The following CCDC14 variants were observed in gnomAD, a reference collection of about 807,000 sequenced individuals.
CCDC14 encodes coiled-coil domain containing 14.
In CCDC14, 71 loss-of-function variants were observed where a neutral mutation model predicts 81.4. The ratio of observed to expected loss-of-function variants is 0.87; its 90% confidence interval spans 0.72 to 1.06. CCDC14 has a LOEUF of 1.06. Among genes scored for constraint, CCDC14 ranks in the 50% least tolerant of loss-of-function variants. The pLI, the probability that CCDC14 is intolerant of heterozygous loss-of-function variation, is 0.00. For synonymous variants in CCDC14, 332 were observed against 364.8 expected (o/e 0.91, Z 1.03); for missense variants, 1,046 against 1,047.3 (o/e 1.00, Z 0.02).
At chr3:123,953,300 T>A (rs1239822637) in intron 5 of CCDC14, 1 of 152,258 alleles carries the variant, frequency 6.6e-6, no homozygotes, top group Admixed American at 6.5e-5. Context: ...GATGAGGTAA[T>A]GTTTCCCTCT....
At chr3:123,891,286 C>T in the CCDC14 span, among the ~76,000 whole-genome samples, 2 of 152,178 alleles carry the variant, frequency 1.3e-5, no homozygotes, top group East Asian at 1.9e-4. Context: ...TAACATTTGG[C>T]TCCTGTTACT....
At position 123,948,737 on chromosome 3, in the gene CCDC14, G is replaced by A. The variant is rs1298502610; in HGVS notation, c.638C>T (p.Pro213Leu). ...HSSYGLCTST[P>L]VWSLQRPPCP... Reference sequence around the variant, plus strand: ...GGGTGGCCGCTGAAGTGACCAGACTGGGGTGGAGGTACATAAGCCATAACT... The same window carrying A: ...GGGTGGCCGCTGAAGTGACCAGACTAGGGTGGAGGTACATAAGCCATAACT... Residue 213 changes from proline (P) to leucine (L), a missense_variant, in exon 7 of 13, where the codon CCA becomes CTA. Physicochemically the swap from Pro to Leu is moderately conservative, Grantham distance 98. Transcript: ENST00000409697. The A allele has an allele frequency of 1.2e-6, 2 of 1,603,020 alleles. No individual in the cohort carries two copies. The highest frequency in any genetic ancestry group is 4.5e-5 in the East Asian group (2 of 44,838).
chr3:123,916,123 C>T (rs567468645), intron 12 of CCDC14, among the ~76,000 whole-genome samples: 8 of 151,902 alleles, frequency 5.3e-5, no homozygotes, highest in South Asian at 4.2e-4. Context: ...CTCAGCCTCC[C>T]GAGTAGCTGG....
intron 5 of CCDC14, among the ~76,000 whole-genome samples, chr3:123,898,889 T>TC (rs1479289237): frequency 2.9e-4 from 43 of 150,232 alleles, no homozygotes; most frequent in Middle Eastern, 6.8e-3. Context: ...TGGTTGTTTT[T>TC]TTTTTTTTTT....
At chr3:123,927,774 C>T (rs1039925421) in intron 12 of CCDC14, among the ~76,000 whole-genome samples, 1 of 151,816 alleles carries the variant, frequency 6.6e-6, no homozygotes, top group East Asian at 1.9e-4. Flanking sequence ...AGTTCCTATA[C>T]TTCTATGTTA....
chr3:123,913,310 A>G, downstream of CCDC14: 2 of 888,364 alleles, frequency 2.3e-6, no homozygotes, highest in Non-Finnish European at 2.7e-6. Flanking sequence ...TCCTTTGCAT[A>G]TAAGGATGGC....
chr3:123,944,186 C>A (rs1247734753), intron 9 of CCDC14, among the ~76,000 whole-genome samples: 1 of 152,078 alleles, frequency 6.6e-6, no homozygotes, highest in Non-Finnish European at 1.5e-5. Context: ...GGGAGAAATC[C>A]CTACACATTT....
At chr3:123,920,175 G>A (rs1200516460) in intron 12 of CCDC14, among the ~76,000 whole-genome samples, 2 of 152,058 alleles carry the variant, frequency 1.3e-5, no homozygotes, top group African/African-American at 2.4e-5. Context: ...AGGAATTAGT[G>A]AGCCTGAAAA....
Position 123,915,645 on chromosome 3 carries a change from TA to T in CCDC14, c.1851del (p.Asn617LysfsTer8), listed in dbSNP as rs2034636682. On this transcript the variant is annotated frameshift_variant, in exon 13 of 13. Transcript: ENST00000409697. LOFTEE classifies it low-confidence loss of function (END_TRUNC). ...SVDSARCKPG[N>X]NLTKSLLNIH... ...ATGTTCAAGAGTGATTTGGTAAGGT[TA>T]TTCCCAGGCTTGCAGCGAGCACTGT... 1.2e-6 allele frequency: 2 copies of T among 1,614,024 alleles called. No homozygotes were observed. Among genetic ancestry groups the T allele is most frequent in the African/African-American group, 2.7e-5 (2 of 75,060 alleles).
intron 9 of CCDC14, among the ~76,000 whole-genome samples, chr3:123,939,519 A>T (rs1300802253): frequency 1.3e-5 from 2 of 148,414 alleles, no homozygotes; most frequent in Non-Finnish European, 1.5e-5. Flanking sequence ...CAACCAGAAA[A>T]TTTTCCCTTT....
chr3:123,937,935 T>C (rs2036146901), intron 9 of CCDC14, among the ~76,000 whole-genome samples: 1 of 151,886 alleles, frequency 6.6e-6, no homozygotes, highest in Non-Finnish European at 1.5e-5. Flanking sequence ...CCCACTGAAT[T>C]TCTCTGATAT....
Position 123,956,077 on chromosome 3 carries a change from C to T in CCDC14, c.198G>A (p.Leu66=), listed in dbSNP as rs1437413754. The T allele has an allele frequency of 2.6e-6, 4 of 1,544,700 alleles. No individual in the cohort carries two copies. The highest frequency in any genetic ancestry group is 1.2e-5 in the South Asian group (1 of 81,468). ...TVHGLDGCAS[L]LRDILRNEDS... ...CTTCATTTCTCAAAATGTCCCTCAG[C>T]AAAGAAGCACAACCATCAAGCCCGT... The change falls in exon 4 of 13, where the codon TTG becomes TTA. Residue 66 remains leucine, a synonymous_variant. Transcript: ENST00000409697.
downstream of CCDC14, among the ~76,000 whole-genome samples, chr3:123,911,520 T>C (rs1192808943): frequency 6.6e-6 from 1 of 152,226 alleles, no homozygotes; most frequent in Admixed American, 6.5e-5. Context: ...AGAAGGGGCC[T>C]GTTATCCTAG....
chr3:123,926,110 T>A (rs919013247), intron 12 of CCDC14, among the ~76,000 whole-genome samples: 3 of 151,986 alleles, frequency 2.0e-5, no homozygotes, highest in Non-Finnish European at 4.4e-5. Flanking sequence ...TTTCCAGTTT[T>A]AAAAAAAATT....
At chr3:123,892,274 G>A in the CCDC14 span, among the ~76,000 whole-genome samples, 1 of 152,208 alleles carries the variant, frequency 6.6e-6, no homozygotes, top group Non-Finnish European at 1.5e-5. Flanking sequence ...GCCAAGGCTT[G>A]TGGGTTGCAC....
intron 10 of CCDC14, 193 bp downstream of exon 10, chr3:123,933,480 A>T: frequency 1.8e-6 from 1 of 563,968 alleles, no homozygotes; most frequent in Non-Finnish European, 3.1e-6. Context: ...GTAAAAGGAA[A>T]CACACTCCTG....
chr3:123,930,346 A>T (rs746596387), intron 12 of CCDC14, among the ~76,000 whole-genome samples: 2 of 152,214 alleles, frequency 1.3e-5, no homozygotes, highest in Non-Finnish European at 2.9e-5. Context: ...TATATTCAAG[A>T]TTATTTTATA....
At chr3:123,925,766 A>G (rs906619644) in intron 12 of CCDC14, among the ~76,000 whole-genome samples, 1 of 152,208 alleles carries the variant, frequency 6.6e-6, no homozygotes, top group Non-Finnish European at 1.5e-5. Context: ...ATAATCCAAC[A>G]TTGCTAAAAA....
rs1249227932 is a variant in CCDC14 at position 123,913,765 on chromosome 3, T to C, written c.*1014A>G. ...TTAATGATAAAGCCTGTCCAAGTAC[T>C]AAGGACAATTAGAGTAGGCAGGTGA... is the stretch of plus-strand genomic sequence containing the variant. On this transcript the variant is annotated 3_prime_UTR_variant, in exon 13 of 13. Transcript: ENST00000409697. 1 of 984,538 alleles carries C rather than the reference T, an allele frequency of 1.0e-6. No individual in the cohort carries two copies. The highest frequency in any genetic ancestry group is 1.2e-6 in the Non-Finnish European group (1 of 829,800). 61.0% of individuals were successfully genotyped at this position (984,538 alleles called of 1,614,324 possible). A position where few individuals can be genotyped will look rare whatever the true frequency, so the allele number is the denominator to read the frequency against.
Sources: allele counts gnomAD v4.1 joint callset (sites outside exome capture counted in the v4.1 genomes callset), GRCh38; gene constraint gnomAD v4.1.1; transcripts MANE v1.5; gene names NCBI Gene and HGNC (gene_info 2026-07-23, HGNC 2026-07-21).